AGBL1: variants seen among roughly 807,000 people sequenced by gnomAD.
AGBL1 encodes cytosolic carboxypeptidase 4.
Under a neutral mutation model 118.9 loss-of-function variants are expected in AGBL1, and 130 were observed. That is an observed-to-expected ratio of 1.09 (90% CI 0.95 to 1.26). AGBL1 has a LOEUF of 1.26. Among genes scored for constraint, AGBL1 ranks in the 50% most tolerant of loss-of-function variants. AGBL1 has a pLI of 0.00. For missense variants in AGBL1, 1,584 were observed against 1,298.1 expected (o/e 1.22, Z -3.38); for synonymous variants, 555 against 478.9 (o/e 1.16, Z -2.08).
chr15:86,132,425 G>C (rs1294383188), intron 1 of AGBL1, among the ~76,000 whole-genome samples: 1 of 152,228 alleles, frequency 6.6e-6, no homozygotes, highest in East Asian at 1.9e-4. Flanking sequence ...TGACGACGGT[G>C]TGAGCCTTGG....
At position 86,501,965 on chromosome 15, in the gene AGBL1, T is replaced by C. The variant is rs1449026031; in HGVS notation, c.2556-20845T>C. On this transcript the variant is annotated intron_variant, in intron 18 of 22. Coordinates refer to ENST00000614907, the MANE Select transcript of AGBL1 (RefSeq NM_001386094.1). Reference sequence around the variant, plus strand: ...GAATTTTAAGCTTAGCTTGTCAAATTTTGAAAATAAAAAAACCCAGATGGA... The same window carrying C: ...GAATTTTAAGCTTAGCTTGTCAAATCTTGAAAATAAAAAAACCCAGATGGA... Among the ~76,000 whole-genome samples the C allele has an allele frequency of 2.6e-5, 4 of 151,566 alleles. No homozygotes were observed. In the East Asian group the frequency reaches 7.7e-4, roughly 29 times the overall value.
chr15:86,949,904 T>G (rs1413776669), intron 23 of AGBL1, among the ~76,000 whole-genome samples: 2 of 152,082 alleles, frequency 1.3e-5, no homozygotes, highest in Non-Finnish European at 2.9e-5. Flanking sequence ...ATACTGGGCC[T>G]TTAAGTGAGC....
intron 20 of AGBL1, 141 bp downstream of exon 20, chr15:86,546,274 T>A: frequency 9.6e-7 from 1 of 1,044,378 alleles, no homozygotes; most frequent in Non-Finnish European, 1.3e-6. Context: ...CATAGGATTG[T>A]AATACAAGCA....
At chr15:86,677,408 C>A (rs2085867845) in intron 22 of AGBL1, among the ~76,000 whole-genome samples, 1 of 152,190 alleles carries the variant, frequency 6.6e-6, no homozygotes, top group African/African-American at 2.4e-5. Flanking sequence ...CTCTTCCTTT[C>A]TCCTTCCTCT....
intron 23 of AGBL1, chr15:86,932,815 T>G (rs936397712): frequency 6.6e-6 from 1 of 152,154 alleles, no homozygotes. Context: ...GTTACTTGAA[T>G]CTGGACTGAT....
chr15:87,002,563 T>C (rs2081451557), intron 24 of AGBL1, among the ~76,000 whole-genome samples: 1 of 151,850 alleles, frequency 6.6e-6, no homozygotes. Context: ...ATAAATTACC[T>C]TGGGCAGTAT....
chr15:86,962,913 T>A (rs2081007625), intron 23 of AGBL1, among the ~76,000 whole-genome samples: 1 of 152,076 alleles, frequency 6.6e-6, no homozygotes. Flanking sequence ...ACTTCTAAAG[T>A]TATGAATATC....
At chr15:86,942,055 C>A (rs997649810) in intron 23 of AGBL1, among the ~76,000 whole-genome samples, 9 of 152,342 alleles carry the variant, frequency 5.9e-5, no homozygotes, top group Admixed American at 3.3e-4. Flanking sequence ...TCCATTAGGA[C>A]AGAAGAGTCA....
intron 24 of AGBL1, among the ~76,000 whole-genome samples, chr15:86,996,001 C>T (rs1248725143): frequency 6.6e-6 from 1 of 152,066 alleles, no homozygotes; most frequent in African/African-American, 2.4e-5. Flanking sequence ...GATGAGTTTG[C>T]AATTTTCTCA....
chr15:86,697,909 A>G (rs769294988), intron 22 of AGBL1, among the ~76,000 whole-genome samples: 2 of 151,920 alleles, frequency 1.3e-5, no homozygotes, highest in Non-Finnish European at 2.9e-5. Context: ...TCTCTCAGCC[A>G]TGGATACCAG....
chr15:86,621,041 C>G (rs1200669967), intron 21 of AGBL1, among the ~76,000 whole-genome samples: 1 of 152,148 alleles, frequency 6.6e-6, no homozygotes, highest in Non-Finnish European at 1.5e-5. Context: ...ATTTGCAACC[C>G]TTTCTATTTG....
intron 18 of AGBL1, among the ~76,000 whole-genome samples, chr15:86,473,986 A>C (rs1442936662): frequency 2.6e-5 from 4 of 152,186 alleles, no homozygotes; most frequent in Non-Finnish European, 5.9e-5. Flanking sequence ...ATAAGAATGA[A>C]TATGTGTTGC....
At chr15:86,318,934 T>G (rs190622583) in intron 17 of AGBL1, among the ~76,000 whole-genome samples, 1 of 152,296 alleles carries the variant, frequency 6.6e-6, no homozygotes, top group East Asian at 1.9e-4. Flanking sequence ...GTGAATTTTA[T>G]ATATGTTGAT....
At chr15:86,687,719 G>T (rs563842344) in intron 22 of AGBL1, among the ~76,000 whole-genome samples, 1 of 152,072 alleles carries the variant, frequency 6.6e-6, no homozygotes, top group African/African-American at 2.4e-5. Flanking sequence ...AAATCTGCAC[G>T]TTTTTGTTGA....
chr15:86,872,476 G>C (rs766063881), intron 22 of AGBL1, among the ~76,000 whole-genome samples: 6 of 152,238 alleles, frequency 3.9e-5, no homozygotes, highest in African/African-American at 1.4e-4. Flanking sequence ...ACAAGAGGCC[G>C]TGGGTGCAGT....
chr15:86,266,671 G>A (rs1015199407), intron 12 of AGBL1, among the ~76,000 whole-genome samples: 2 of 152,182 alleles, frequency 1.3e-5, no homozygotes, highest in Non-Finnish European at 2.9e-5. Flanking sequence ...GGGAGCCCGA[G>A]GCAGGTGGAT....
At chr15:86,495,808 TGATGTATTATGTA>T (rs2142151137) in intron 18 of AGBL1, among the ~76,000 whole-genome samples, 1 of 152,122 alleles carries the variant, frequency 6.6e-6, no homozygotes, top group South Asian at 2.1e-4. Flanking sequence ...CAAGGTTTTT[TGATGTATTATGTA>T]GATTTTTTTA....
chr15:86,303,958 C>T (rs1049099305), intron 17 of AGBL1, among the ~76,000 whole-genome samples: 2 of 152,058 alleles, frequency 1.3e-5, no homozygotes, highest in African/African-American at 4.8e-5. Flanking sequence ...GGAGGTAGAG[C>T]TTGGATTTGA....
At chr15:86,879,256 C>A (rs2141526530) in intron 22 of AGBL1, among the ~76,000 whole-genome samples, 1 of 152,280 alleles carries the variant, frequency 6.6e-6, no homozygotes, top group Non-Finnish European at 1.5e-5. Flanking sequence ...AGTTGACAGA[C>A]CCAGGTCAAC....
Sources: gnomAD v4.1 joint callset for allele counts (sites outside exome capture counted in the v4.1 genomes callset) on GRCh38, gnomAD v4.1.1 for gene constraint, MANE v1.5 for transcripts, NCBI Gene and HGNC (gene_info 2026-07-23, HGNC 2026-07-21) for gene names.